Variants in ZYG11B observed in about 807,000 individuals in gnomAD.
The protein encoded by ZYG11B is zyg-11 family member B, cell cycle regulator.
A neutral mutation model predicts 82.4 loss-of-function variants in ZYG11B; 36 were observed. That is an observed-to-expected ratio of 0.44 (90% confidence interval 0.33 to 0.58). ZYG11B has a LOEUF of 0.58. Among genes scored for constraint, ZYG11B ranks in the 20% least tolerant of loss-of-function variants. The pLI, the probability that ZYG11B is intolerant of heterozygous loss-of-function variation, is 0.02. For synonymous variants in ZYG11B, 303 were observed against 312.8 expected, an observed-to-expected ratio of 0.97 and a Z score of 0.33; for missense variants, 552 against 895.6, an observed-to-expected ratio of 0.62 and a Z score of 4.90.
At chr1:52,817,790 TATATATATATATATATATATATATA>T (rs1341538257) in intron 13 of ZYG11B, among the ~76,000 whole-genome samples, 1 of 35,106 alleles carries the variant, frequency 2.8e-5, no homozygotes, top group Non-Finnish European at 6.3e-5. Context: ...TATATATATA[TATATATATATATATATATATATATA>T]TTTTTTTTTT....
chr1:52,797,468 T>TATTATATATGATATATAATATAATAA (rs1553262205), intron 8 of ZYG11B, among the ~76,000 whole-genome samples: 31,766 of 110,228 alleles, frequency 0.29, 5,197 homozygotes, highest in East Asian at 0.41. Flanking sequence ...ATGATATATA[T>TATTATATATGATATATAATATAATAA]ATTATATATG....
intron 10 of ZYG11B, among the ~76,000 whole-genome samples, chr1:52,806,880 T>G (rs1271243220): frequency 1.3e-5 from 2 of 152,014 alleles, no homozygotes; most frequent in South Asian, 2.1e-4. Context: ...TGTAATTTTT[T>G]TTTTTTGAGA....
At position 52,784,957 on chromosome 1, in the gene ZYG11B, C is replaced by T. The variant is rs184226693; in HGVS notation, c.1173C>T (p.Thr391=). 5.6e-6 allele frequency: 9 copies of T among 1,614,126 alleles called. No homozygotes were observed. The highest frequency in any genetic ancestry group is 1.7e-6 in the Non-Finnish European group (2 of 1,180,008). ...CAAGCGCCTGTGTATTTAACTTAAC[C>T]AAGCAGGATCTTGCTGCAGGGATGC... The part of the protein sequence containing the change: ...LAASACVFNL[T]KQDLAAGMPV... Residue 391 remains threonine (T), a synonymous_variant, in exon 5 of 14, where the codon ACC becomes ACT. Coordinates refer to ENST00000294353, the MANE Select transcript of ZYG11B (RefSeq NM_024646.3).
Position 52,789,987 on chromosome 1 carries a change from T to C in ZYG11B, c.1270-16T>C, listed in dbSNP as rs752322447. 2 of 1,561,240 alleles carry C rather than the reference T, an allele frequency of 1.3e-6. No homozygotes were observed. Among genetic ancestry groups the C allele is most frequent in the South Asian group, 2.5e-5 (2 of 79,916 alleles). On this transcript the variant is annotated splice_polypyrimidine_tract_variant and intron_variant, in intron 5 of 13. Transcript: ENST00000294353. Reference sequence around the variant, plus strand: ...GATATTTTATTTAGGATTTTTTTCTTCCTTTGATTCTTTAGTTACAGAAGA... The same window carrying C: ...GATATTTTATTTAGGATTTTTTTCTCCCTTTGATTCTTTAGTTACAGAAGA...
chr1:52,741,346 C>T (rs544871047), intron 1 of ZYG11B, among the ~76,000 whole-genome samples: 4 of 119,400 alleles, frequency 3.4e-5, no homozygotes, highest in Non-Finnish European at 5.6e-5. Context: ...TTTTTAAAAA[C>T]CCAAACAACT....
chr1:52,794,118 GC>G (rs1266450194), intron 6 of ZYG11B, among the ~76,000 whole-genome samples: 2 of 151,902 alleles, frequency 1.3e-5, no homozygotes. Context: ...GAGACTATAG[GC>G]GCGCACCACC....
chr1:52,767,362 T>C (rs111853047), intron 2 of ZYG11B, among the ~76,000 whole-genome samples: 1,791 of 152,118 alleles, frequency 0.012, 39 homozygotes, highest in African/African-American at 0.042. Flanking sequence ...CGGAGTGCAA[T>C]GGTGCGATCT....
intron 10 of ZYG11B, among the ~76,000 whole-genome samples, chr1:52,811,764 C>T (rs990507792): frequency 2.6e-5 from 4 of 152,050 alleles, no homozygotes; most frequent in Non-Finnish European, 5.9e-5. Context: ...GGCGCGGTGG[C>T]GCATGCCTGT....
At chr1:52,757,050 T>A (rs182333414) in intron 2 of ZYG11B, among the ~76,000 whole-genome samples, 1,868 of 151,242 alleles carry the variant, frequency 0.012, 34 homozygotes, top group African/African-American at 0.042. Context: ...TTTTTTTTTT[T>A]AAATTTTTTA....
Position 52,726,582 on chromosome 1 carries a change from G to A in ZYG11B, c.-72G>A. On this transcript the variant is annotated 5_prime_UTR_variant, in exon 1 of 14. Coordinates refer to ENST00000294353, the MANE Select transcript of ZYG11B (RefSeq NM_024646.3). ...AGCCGCCGCTCGCCGGAGCCTCCTGGAGCCTCCGCGCCGGCTCAGCCTGGG... is the reference window on the plus strand; with the variant it reads ...AGCCGCCGCTCGCCGGAGCCTCCTGAAGCCTCCGCGCCGGCTCAGCCTGGG... The A allele has an allele frequency of 1.5e-6, 2 of 1,353,304 alleles. No individual in the cohort carries two copies. Among genetic ancestry groups the A allele is most frequent in the Non-Finnish European group, 1.9e-6 (2 of 1,059,380 alleles). 83.8% of individuals were successfully genotyped at this position (1,353,304 alleles called of 1,614,324 possible).
intron 13 of ZYG11B, among the ~76,000 whole-genome samples, chr1:52,819,558 CG>C (rs1372261649): frequency 6.6e-6 from 1 of 151,874 alleles, no homozygotes; most frequent in East Asian, 1.9e-4. Context: ...GAGGCCAAGG[CG>C]GGTGGATCAC....
intron 1 of ZYG11B, 51 bp from the exon 2 acceptor site, chr1:52,756,407 A>G: frequency 6.4e-7 from 1 of 1,563,434 alleles, no homozygotes; most frequent in Non-Finnish European, 8.7e-7. Context: ...TTTTCTGGAA[A>G]CTAACTAGTT....
At chr1:52,798,967 A>G (rs1645051568) in intron 8 of ZYG11B, among the ~76,000 whole-genome samples, 1 of 152,166 alleles carries the variant, frequency 6.6e-6, no homozygotes, top group South Asian at 2.1e-4. Flanking sequence ...GTAATGAGAA[A>G]GTAAACCATT....
intron 2 of ZYG11B, among the ~76,000 whole-genome samples, chr1:52,758,721 A>T (rs12037726): frequency 0.1 from 15,722 of 152,134 alleles, 1,814 homozygotes; most frequent in East Asian, 0.35. Flanking sequence ...TTTAGGAAAG[A>T]AGAAGACCTC....
At chr1:52,732,912 G>A (rs1156509752) in intron 1 of ZYG11B, among the ~76,000 whole-genome samples, 2 of 151,986 alleles carry the variant, frequency 1.3e-5, no homozygotes, top group East Asian at 3.9e-4. Flanking sequence ...GGGCGCGGAG[G>A]TTGCAGTAAG....
At chr1:52,729,395 C>G (rs1320878484) in intron 1 of ZYG11B, among the ~76,000 whole-genome samples, 1 of 152,098 alleles carries the variant, frequency 6.6e-6, no homozygotes, top group Non-Finnish European at 1.5e-5. Flanking sequence ...TTGATTTTTC[C>G]TTGCTTGTTA....
At chr1:52,789,582 G>T (rs1968754) in intron 5 of ZYG11B, among the ~76,000 whole-genome samples, 1 of 151,920 alleles carries the variant, frequency 6.6e-6, no homozygotes, top group Non-Finnish European at 1.5e-5. Context: ...ACTCTTTAGA[G>T]GCCAGTGTGT....
At chr1:52,769,414 A>C (rs1269530082) in intron 2 of ZYG11B, among the ~76,000 whole-genome samples, 1 of 152,226 alleles carries the variant, frequency 6.6e-6, no homozygotes, top group Non-Finnish European at 1.5e-5. Flanking sequence ...AGTATATATA[A>C]AAAATTGAGA....
intron 2 of ZYG11B, among the ~76,000 whole-genome samples, chr1:52,765,645 G>A (rs1027844956): frequency 1.3e-5 from 2 of 152,044 alleles, no homozygotes; most frequent in Non-Finnish European, 1.5e-5. Context: ...AGGACTACAG[G>A]TATGTACCAC....
Sources: gnomAD v4.1 joint callset for allele counts (sites outside exome capture counted in the v4.1 genomes callset) on GRCh38, gnomAD v4.1.1 for gene constraint, MANE v1.5 for transcripts, NCBI Gene and HGNC (gene_info 2026-07-23, HGNC 2026-07-21) for gene names.